The following AFF3 variants were observed in gnomAD, a reference collection of about 807,000 sequenced individuals.
AFF3 encodes the protein ALF transcription elongation factor 3.
A neutral mutation model predicts 129.7 loss-of-function variants in AFF3; 32 were observed. That is an observed-to-expected ratio of 0.25 (90% CI 0.19 to 0.33). The LOEUF is 0.33. Ranked by LOEUF, AFF3 falls within the 10% of genes least tolerant of loss-of-function variation. The probability of loss-of-function intolerance (pLI) is 1.00; values close to 1 mark genes in which losing one functional copy is unlikely to be tolerated. For synonymous variants in AFF3, 644 were observed against 635.4 expected (o/e 1.01, Z -0.20); for missense variants, 1,373 against 1,592.0 (o/e 0.86, Z 2.34).
At chr2:99,814,132 A>T (rs1403751596) in intron 8 of AFF3, among the ~76,000 whole-genome samples, 1 of 152,178 alleles carries the variant, frequency 6.6e-6, no homozygotes, top group African/African-American at 2.4e-5. Context: ...AAGTTGCTGT[A>T]GTATGTGGCA....
At position 100,010,598 on chromosome 2, in the gene AFF3, CG is replaced by C. The variant is rs553815575; in HGVS notation, c.54-1667del. Among the ~76,000 whole-genome samples, 222 of 152,306 alleles carry C rather than the reference CG, an allele frequency of 1.5e-3. 3 individuals carry two copies. The highest frequency in any genetic ancestry group is 5.1e-3 in the African/African-American group (214 of 41,570). On this transcript the variant is annotated intron_variant, in intron 4 of 24. Transcript: ENST00000672756. ...AGTCCAACCAGTGACCTTCATATAA[CG>C]GGGACTGCAGCCTCTAGAATCTTCT...
chr2:99,682,411 C>T (rs1023616059), intron 11 of AFF3, among the ~76,000 whole-genome samples: 15 of 152,310 alleles, frequency 9.8e-5, no homozygotes, highest in African/African-American at 2.6e-4. Flanking sequence ...GTTTCCTCAA[C>T]GCCTAGGATA....
At chr2:99,699,852 G>A (rs1676669817) in intron 11 of AFF3, among the ~76,000 whole-genome samples, 1 of 152,178 alleles carries the variant, frequency 6.6e-6, no homozygotes, top group Non-Finnish European at 1.5e-5. Flanking sequence ...CTGCTGAAAG[G>A]GAATCGAGGG....
intron 7 of AFF3, among the ~76,000 whole-genome samples, chr2:99,941,024 T>C (rs1057220745): frequency 6.6e-6 from 1 of 152,144 alleles, no homozygotes; most frequent in Admixed American, 6.5e-5. Context: ...CAGAAAAGGC[T>C]GACGGAGGCT....
At chr2:99,898,938 T>C (rs998388324) in intron 7 of AFF3, among the ~76,000 whole-genome samples, 2 of 152,190 alleles carry the variant, frequency 1.3e-5, no homozygotes, top group African/African-American at 4.8e-5. Context: ...GTCTCCTTCC[T>C]GTTTCCTGTC....
rs1245716771 is a variant in AFF3 at position 100,037,611 on chromosome 2, T to C, written c.54-28679A>G. ...TTTATATATTATTTATATATAAATATATATTTATATTTTATATATTATTTA... is the reference window on the plus strand; with the variant it reads ...TTTATATATTATTTATATATAAATACATATTTATATTTTATATATTATTTA... On this transcript the variant is annotated intron_variant, in intron 4 of 24. Transcript: ENST00000672756. 1.1e-3 allele frequency among the ~76,000 whole-genome samples: 65 copies of C among 59,364 alleles called. 3 individuals are homozygous for C. Among genetic ancestry groups the C allele is most frequent in the African/African-American group, 4.5e-3 (64 of 14,312 alleles). 38.9% of individuals were successfully genotyped at this position (59,364 alleles called of 152,430 possible).
chr2:99,912,758 A>G (rs568936117), intron 7 of AFF3, among the ~76,000 whole-genome samples: 2 of 152,316 alleles, frequency 1.3e-5, no homozygotes, highest in East Asian at 3.9e-4. Flanking sequence ...TTAGGGATTG[A>G]TTTTTGCCCT....
chr2:100,079,015 C>T (rs372276956), intron 4 of AFF3, among the ~76,000 whole-genome samples: 5 of 148,736 alleles, frequency 3.4e-5, no homozygotes, highest in African/African-American at 5.0e-5. Context: ...GGCGTGATCT[C>T]GGTTCACTGC....
chr2:99,577,747 G>C (rs565582251), intron 18 of AFF3, among the ~76,000 whole-genome samples: 1 of 152,178 alleles, frequency 6.6e-6, no homozygotes, highest in African/African-American at 2.4e-5. Context: ...AGCATTCCAG[G>C]ATGTTGTTTT....
intron 4 of AFF3, among the ~76,000 whole-genome samples, chr2:100,039,736 C>A: frequency 6.6e-6 from 1 of 152,216 alleles, no homozygotes; most frequent in Admixed American, 6.5e-5. Context: ...TTTGAACTTC[C>A]TCTTCTCCCC....
rs1675797767 is a variant in AFF3 at position 99,947,997 on chromosome 2, G to A, written c.873+58635C>T. 2.0e-5 allele frequency among the ~76,000 whole-genome samples: 3 copies of A among 152,298 alleles called. 1 individual carries two copies. The South Asian group carries it at 6.2e-4, about 32-fold the overall frequency. ...AGGCATCTAGATTTGGCAGTCCAGA[G>A]TGAGTGCTTAAAAGCACTGAATGCT... On this transcript the variant is annotated intron_variant, in intron 7 of 24. Transcript: ENST00000672756.
At chr2:100,049,338 G>GC (rs1559086581) in intron 4 of AFF3, among the ~76,000 whole-genome samples, 2 of 152,130 alleles carry the variant, frequency 1.3e-5, no homozygotes, top group African/African-American at 4.8e-5. Flanking sequence ...GGGACATTCC[G>GC]CAAGACCTAG....
chr2:99,769,364 T>C (rs1313106765), intron 8 of AFF3, among the ~76,000 whole-genome samples: 1 of 152,204 alleles, frequency 6.6e-6, no homozygotes, highest in Non-Finnish European at 1.5e-5. Context: ...TTTCAATCTC[T>C]TTGTTAAATT....
At chr2:99,842,315 G>T (rs961479401) in intron 7 of AFF3, among the ~76,000 whole-genome samples, 2 of 152,050 alleles carry the variant, frequency 1.3e-5, no homozygotes, top group African/African-American at 4.8e-5. Flanking sequence ...TTATCAACAA[G>T]ATTAAAATAT....
chr2:99,752,201 T>C lies in AFF3; in HGVS notation c.1002+20A>G, dbSNP rs201681148. On this transcript the variant is annotated intron_variant, in intron 9 of 24. Transcript: ENST00000672756. ...CTGCATGAGTGAAACATATTCCTCC[T>C]GAGGGATGCAAGATCTCACCTTATT... The C allele has an allele frequency of 3.1e-6, 5 of 1,593,492 alleles. No individual in the cohort carries two copies. The highest frequency in any genetic ancestry group is 1.7e-4 in the Middle Eastern group (1 of 6,030).
chr2:100,049,951 C>T (rs1382556098), intron 4 of AFF3, among the ~76,000 whole-genome samples: 5 of 152,144 alleles, frequency 3.3e-5, no homozygotes, highest in African/African-American at 4.8e-5. Flanking sequence ...TAGTGGCTCA[C>T]GCCTGTAATC....
intron 13 of AFF3, among the ~76,000 whole-genome samples, chr2:99,628,521 T>A (rs1269634140): frequency 6.6e-6 from 1 of 152,044 alleles, no homozygotes; most frequent in Non-Finnish European, 1.5e-5. Flanking sequence ...ATAATTTGAC[T>A]TCCTCTCTTC....
At chr2:99,889,033 T>C (rs533558584) in intron 7 of AFF3, among the ~76,000 whole-genome samples, 1 of 152,352 alleles carries the variant, frequency 6.6e-6, no homozygotes, top group Non-Finnish European at 1.5e-5. Flanking sequence ...TAAAAATTTA[T>C]TTTTAGGCTT....
intron 16 of AFF3, 52 bp from the exon 17 acceptor site, chr2:99,583,051 G>A (rs777636052): frequency 3.2e-6 from 5 of 1,569,624 alleles, no homozygotes; most frequent in South Asian, 1.1e-5. Flanking sequence ...CACAGGGAAA[G>A]GTAAATGTTT....
Sources: allele counts gnomAD v4.1 joint callset (sites outside exome capture counted in the v4.1 genomes callset), GRCh38; gene constraint gnomAD v4.1.1; transcripts MANE v1.5; gene names NCBI Gene and HGNC (gene_info 2026-07-23, HGNC 2026-07-21).